TNS3: variants seen among roughly 807,000 people sequenced by gnomAD.
TNS3 encodes the protein tensin-3.
TNS3 carries 45 observed loss-of-function variants against 140.9 expected under a neutral mutation model. The ratio of observed to expected loss-of-function variants is 0.32; its 90% CI spans 0.25 to 0.41. TNS3 has a LOEUF of 0.41. Ranked by LOEUF, TNS3 falls within the 10% of genes least tolerant of loss-of-function variation. TNS3 has a pLI of 1.00. For synonymous variants in TNS3, 815 were observed against 788.4 expected (o/e 1.03, Z -0.56); for missense variants, 1,716 against 1,906.7 (o/e 0.90, Z 1.86).
intron 1 of TNS3, among the ~76,000 whole-genome samples, chr7:47,566,488 G>A (rs1800431459): frequency 6.6e-6 from 1 of 152,196 alleles, no homozygotes. Flanking sequence ...CTTTTACTCT[G>A]AAGAGCTTGC....
In TNS3 at chr7:47,400,446, G is replaced by A. The variant is rs1793087522; in HGVS notation, c.866C>T (p.Pro289Leu). ...GACTAATTCAACCTTCCCATAGTCA[G>A]GAAAACGGTCATCTGAAAAAAACAA... ...LDNASKDDRF[P>L]DYGKVELVFS... Residue 289 changes from proline (P) to leucine (L), a missense_variant, in exon 15 of 31, where the codon CCT (proline) becomes CTT (leucine). Pro to Leu is a moderately conservative substitution (Grantham distance 98). This residue lies in a region of TNS3 where 337 missense variants were observed against 428.9 expected (regional missense o/e 0.79). Coordinates refer to ENST00000311160, the MANE Select transcript of TNS3 (RefSeq NM_022748.12). The A allele has an allele frequency of 6.2e-7, 1 of 1,613,846 alleles. No individual in the cohort carries two copies. The highest frequency in any genetic ancestry group is 1.3e-5 in the African/African-American group (1 of 74,836).
intron 3 of TNS3, among the ~76,000 whole-genome samples, chr7:47,490,975 A>G (rs1797791660): frequency 6.6e-6 from 1 of 152,196 alleles, no homozygotes; most frequent in Non-Finnish European, 1.5e-5. Context: ...AGGGGCTCAA[A>G]ATCAGCACTT....
rs1562741125 is a variant in TNS3 at position 47,437,783 on chromosome 7, C to CGT, written c.151-471_151-470insAC. 3.3e-5 allele frequency among the ~76,000 whole-genome samples: 4 copies of CGT among 121,422 alleles called. No individual in the cohort carries two copies. In the East Asian group the frequency reaches 9.2e-4, roughly 28 times the overall value. 79.7% of individuals were successfully genotyped at this position (121,422 alleles called of 152,430 possible). On this transcript the variant is annotated intron_variant, in intron 6 of 30. Transcript: ENST00000311160. ...ACACACACACACACACACACACACA[C>CGT]ACGTATAAAATATATAATATAAAAT...
intron 20 of TNS3, among the ~76,000 whole-genome samples, chr7:47,317,298 C>T (rs963271429): frequency 6.6e-6 from 1 of 152,152 alleles, no homozygotes; most frequent in Non-Finnish European, 1.5e-5. Context: ...TGGAATTATC[C>T]CCTTCAAAAG....
chr7:47,474,165 C>G (rs1797072404), intron 4 of TNS3, among the ~76,000 whole-genome samples: 1 of 141,116 alleles, frequency 7.1e-6, no homozygotes, highest in Admixed American at 7.0e-5. Context: ...AAAAAAACCT[C>G]ACACACAACA....
intron 20 of TNS3, among the ~76,000 whole-genome samples, chr7:47,340,234 T>C (rs1313568242): frequency 6.8e-6 from 1 of 146,818 alleles, no homozygotes; most frequent in Non-Finnish European, 1.5e-5. Context: ...GTGATTCTCC[T>C]GCCTCAGCCT....
At chr7:47,560,926 CA>C (rs763331264) in intron 1 of TNS3, among the ~76,000 whole-genome samples, 1 of 152,236 alleles carries the variant, frequency 6.6e-6, no homozygotes, top group Non-Finnish European at 1.5e-5. Context: ...TCCCCATACA[CA>C]ACTGCCAGAC....
At chr7:47,478,698 CATAT>C (rs893921965) in intron 4 of TNS3, among the ~76,000 whole-genome samples, 4 of 151,824 alleles carry the variant, frequency 2.6e-5, no homozygotes, top group Admixed American at 6.6e-5. Flanking sequence ...ACCTAATATA[CATAT>C]ATATTCACAT....
intron 2 of TNS3, among the ~76,000 whole-genome samples, chr7:47,519,017 C>T (rs1562824358): frequency 1.3e-5 from 2 of 152,188 alleles, no homozygotes; most frequent in African/African-American, 2.4e-5. Flanking sequence ...AGTCCTTTTA[C>T]GTCCCTTGAC....
chr7:47,410,900 A>G (rs1031970994), intron 13 of TNS3, among the ~76,000 whole-genome samples: 1 of 152,244 alleles, frequency 6.6e-6, no homozygotes, highest in Non-Finnish European at 1.5e-5. Flanking sequence ...TTTGTATTCA[A>G]GAAAGATAAA....
chr7:47,540,189 C>T (rs528384038), intron 1 of TNS3, among the ~76,000 whole-genome samples: 83 of 151,902 alleles, frequency 5.5e-4, no homozygotes, highest in African/African-American at 1.9e-3. Flanking sequence ...AGGAACAAAA[C>T]GAGGTTCTTC....
chr7:47,544,942 T>C (rs1799880280), intron 1 of TNS3, among the ~76,000 whole-genome samples: 2 of 151,886 alleles, frequency 1.3e-5, no homozygotes, highest in African/African-American at 4.8e-5. Context: ...AGAAGAACCC[T>C]GCAGAGTTAG....
intron 4 of TNS3, among the ~76,000 whole-genome samples, chr7:47,463,737 G>C (rs544138591): frequency 6.6e-6 from 1 of 152,226 alleles, no homozygotes; most frequent in African/African-American, 2.4e-5. Context: ...TGTCAGACGG[G>C]AACATGCAGG....
At chr7:47,280,422 G>A (rs897760020) in intron 28 of TNS3, 68 bp from the exon 29 acceptor site, 75 of 1,396,124 alleles carry the variant, frequency 5.4e-5, no homozygotes, top group Non-Finnish European at 6.9e-5. Context: ...GGGATGCACT[G>A]GGCGGGCTCT....
chr7:47,295,684 G>A (rs1785970076), intron 24 of TNS3, among the ~76,000 whole-genome samples: 1 of 152,114 alleles, frequency 6.6e-6, no homozygotes, highest in African/African-American at 2.4e-5. Flanking sequence ...TGAGCCCCGG[G>A]TCTTTCCCAG....
intron 4 of TNS3, among the ~76,000 whole-genome samples, chr7:47,443,041 C>T (rs528116585): frequency 1.3e-5 from 2 of 152,302 alleles, no homozygotes; most frequent in East Asian, 3.9e-4. Flanking sequence ...ATTCCAAAAC[C>T]ACAGAGATCA....
At chr7:47,384,640 T>C (rs922424887) in intron 16 of TNS3, among the ~76,000 whole-genome samples, 1 of 152,228 alleles carries the variant, frequency 6.6e-6, no homozygotes, top group Non-Finnish European at 1.5e-5. Flanking sequence ...TCAGGAGTGG[T>C]GGCCAGGACT....
chr7:47,353,550 A>G (rs934860403), intron 17 of TNS3, among the ~76,000 whole-genome samples: 3 of 152,254 alleles, frequency 2.0e-5, no homozygotes, highest in African/African-American at 7.2e-5. Context: ...GAAGAGCCAC[A>G]TATCTCAATG....
chr7:47,524,568 C>T (rs1280268449), intron 2 of TNS3, among the ~76,000 whole-genome samples: 2 of 150,654 alleles, frequency 1.3e-5, no homozygotes, highest in Admixed American at 6.6e-5. Context: ...TTTGGGAGGC[C>T]GAGGCGGGTG....
Sources: allele counts gnomAD v4.1 joint callset (sites outside exome capture counted in the v4.1 genomes callset), GRCh38; gene constraint gnomAD v4.1.1; regional missense constraint gnomAD v4.1.1; transcripts MANE v1.5; gene names NCBI Gene and HGNC (gene_info 2026-07-23, HGNC 2026-07-21).